The following KLHL13 variants were observed in gnomAD, a reference collection of about 807,000 sequenced individuals.
KLHL13 encodes kelch like family member 13.
Under a neutral mutation model 37.1 loss-of-function variants are expected in KLHL13, and 10 were observed. The ratio of observed to expected loss-of-function variants is 0.27; its 90% CI spans 0.17 to 0.46. The LOEUF (loss-of-function observed/expected upper bound fraction) is 0.46, where lower values mean the gene tolerates loss of function less well. KLHL13 is among the 20% of genes least tolerant of loss of function. The pLI, the probability that KLHL13 is intolerant of heterozygous loss-of-function variation, is 1.00. For synonymous variants in KLHL13, 163 were observed against 181.2 expected, an observed-to-expected ratio of 0.90 and a Z score of 0.81; for missense variants, 360 against 509.3, an observed-to-expected ratio of 0.71 and a Z score of 2.82.
intron 1 of KLHL13, among the ~76,000 whole-genome samples, chrX:118,078,256 A>G (rs994868768): frequency 1.2e-4 from 13 of 111,638 alleles, no homozygotes; most frequent in African/African-American, 4.2e-4. Context: ...ATTTTTAATT[A>G]GGTTTATTGA....
chrX:117,903,838 C>T (rs757677455), intron 5 of KLHL13, among the ~76,000 whole-genome samples: 1 of 110,862 alleles, frequency 9.0e-6, no homozygotes, highest in Non-Finnish European at 1.9e-5. Flanking sequence ...TTTCTTAATG[C>T]GGGACTCTGA....
exon 7 of KLHL13, chrX:117,898,356 T>C (rs1929865474): frequency 8.9e-6 from 1 of 112,588 alleles, no homozygotes; most frequent in Admixed American, 9.4e-5. Flanking sequence ...GTGTTCTCAA[T>C]GCACCCACAC....
At chrX:118,114,514 A>G (rs1449381470) in intron 1 of KLHL13, among the ~76,000 whole-genome samples, 1 of 112,589 alleles carries the variant, frequency 8.9e-6, no homozygotes, top group Non-Finnish European at 1.9e-5. Context: ...GCATGAAAAG[A>G]AAAAAGTAAG....
At chrX:117,930,894 A>T (rs1383229943) in intron 2 of KLHL13, among the ~76,000 whole-genome samples, 1 of 112,343 alleles carries the variant, frequency 8.9e-6, no homozygotes, top group Non-Finnish European at 1.9e-5. Flanking sequence ...AATGTAAATT[A>T]TCTTAATCAT....
intron 1 of KLHL13, among the ~76,000 whole-genome samples, chrX:118,058,279 A>G (rs1014666293): frequency 2.7e-5 from 3 of 110,776 alleles, no homozygotes; most frequent in Admixed American, 1.9e-4. Context: ...ATCTCCAGAA[A>G]TCCCTTCCCC....
chrX:118,087,407 A>C (rs1010000005), intron 1 of KLHL13, among the ~76,000 whole-genome samples: 22 of 109,463 alleles, frequency 2.0e-4, no homozygotes, highest in Non-Finnish European at 2.5e-4. Context: ...ATATATACAC[A>C]TATATATATC....
At chrX:118,020,287 CTT>C (rs2054188189) in intron 1 of KLHL13, among the ~76,000 whole-genome samples, 1 of 111,238 alleles carries the variant, frequency 9.0e-6, no homozygotes, top group South Asian at 3.8e-4. Flanking sequence ...TGATTTGGCT[CTT>C]TGTTTGTCTG....
At chrX:117,934,667 T>C (rs1932684081) in intron 2 of KLHL13, among the ~76,000 whole-genome samples, 1 of 110,043 alleles carries the variant, frequency 9.1e-6, no homozygotes, top group African/African-American at 3.3e-5. Flanking sequence ...ATGTAAAATA[T>C]ATATATACAC....
At chrX:117,905,287 T>A (rs1023923492) in intron 5 of KLHL13, among the ~76,000 whole-genome samples, 6 of 112,315 alleles carry the variant, frequency 5.3e-5, no homozygotes, top group Non-Finnish European at 7.5e-5. Flanking sequence ...ATTGGAGCTG[T>A]CATAATCTTC....
At chrX:117,941,457 G>A (rs1035371070) in intron 2 of KLHL13, among the ~76,000 whole-genome samples, 4 of 111,504 alleles carry the variant, frequency 3.6e-5, no homozygotes, top group Non-Finnish European at 5.7e-5. Flanking sequence ...CTGTGAATCC[G>A]TCTGGTCCTG....
chrX:118,077,425 A>G (rs1234320712), intron 1 of KLHL13, among the ~76,000 whole-genome samples: 1 of 109,048 alleles, frequency 9.2e-6, no homozygotes, highest in Non-Finnish European at 1.9e-5. Context: ...GTATATTCAA[A>G]AACGAGGGAA....
chrX:118,034,977 A>C (rs1209704609), intron 1 of KLHL13, among the ~76,000 whole-genome samples: 3 of 93,010 alleles, frequency 3.2e-5, no homozygotes, highest in Non-Finnish European at 6.0e-5. Context: ...TACGCAAATA[A>C]ACTAGAAAAT....
chrX:118,030,437 A>T (rs982839613), intron 1 of KLHL13, among the ~76,000 whole-genome samples: 8 of 112,104 alleles, frequency 7.1e-5, no homozygotes, highest in Non-Finnish European at 1.5e-4. Flanking sequence ...GATAATGTAA[A>T]ACTAAATAAC....
chrX:117,989,240 A>T (rs184651870), intron 1 of KLHL13, among the ~76,000 whole-genome samples: 67 of 111,018 alleles, frequency 6.0e-4, no homozygotes, highest in African/African-American at 2.1e-3. Context: ...TTCATTTTCA[A>T]CCTGATCCTG....
intron 1 of KLHL13, among the ~76,000 whole-genome samples, chrX:118,085,691 T>C (rs2055046382): frequency 9.1e-6 from 1 of 110,406 alleles, no homozygotes; most frequent in Non-Finnish European, 1.9e-5. Context: ...TTATATTTGC[T>C]TTTCCATTCC....
chrX:118,096,902 T>G (rs1232358054), intron 1 of KLHL13, among the ~76,000 whole-genome samples: 11 of 111,517 alleles, frequency 9.9e-5, no homozygotes, highest in South Asian at 7.6e-4. Flanking sequence ...AAACTCTCAA[T>G]AAATTAGGTA....
At chrX:118,030,215 GTTAT>G (rs903788896) in intron 1 of KLHL13, among the ~76,000 whole-genome samples, 1 of 111,307 alleles carries the variant, frequency 9.0e-6, no homozygotes, top group African/African-American at 3.3e-5. Flanking sequence ...TTATAATTCT[GTTAT>G]TACAAGTAAA....
intron 1 of KLHL13, among the ~76,000 whole-genome samples, chrX:117,990,107 G>A (rs932605335): frequency 7.2e-5 from 8 of 111,406 alleles, no homozygotes; most frequent in Admixed American, 1.9e-4. Context: ...TCATTAAAGG[G>A]CCTTTTCCTC....
At chrX:118,089,798 G>T (rs148355254) in intron 1 of KLHL13, among the ~76,000 whole-genome samples, 4 of 110,861 alleles carry the variant, frequency 3.6e-5, no homozygotes, top group African/African-American at 1.3e-4. Context: ...TATCAATAGG[G>T]CTGGGTGTGG....
Sources: allele counts gnomAD v4.1 joint callset (sites outside exome capture counted in the v4.1 genomes callset), GRCh38; gene constraint gnomAD v4.1.1; transcripts MANE v1.5; gene names NCBI Gene and HGNC (gene_info 2026-07-23, HGNC 2026-07-21).